Variants in PIEZO2 observed in about 807,000 individuals in gnomAD.
PIEZO2 encodes piezo-type mechanosensitive ion channel component 2.
In PIEZO2, 172 loss-of-function variants were observed where a neutral mutation model predicts 337.3. That is an observed-to-expected ratio of 0.51 (90% confidence interval 0.45 to 0.58). PIEZO2 has a LOEUF of 0.58. PIEZO2 is among the 20% of genes least tolerant of loss of function. The pLI, the probability that PIEZO2 is intolerant of heterozygous loss-of-function variation, is 0.00. For missense variants in PIEZO2, 3,028 were observed against 3,391.3 expected, an observed-to-expected ratio of 0.89 and a Z score of 2.66; for synonymous variants, 1,251 against 1,228.5, an observed-to-expected ratio of 1.02 and a Z score of -0.38.
intron 5 of PIEZO2, among the ~76,000 whole-genome samples, chr18:10,858,321 C>CAAAAAAAAAAAAA (rs11361243): frequency 3.2e-4 from 18 of 56,352 alleles, no homozygotes; most frequent in South Asian, 9.8e-4. Flanking sequence ...GACTTCAACC[C>CAAAAAAAAAAAAA]AAAAAAAAAA....
chr18:10,903,721 T>A lies in PIEZO2; in HGVS notation c.329+7465A>T, dbSNP rs993647034. Among the ~76,000 whole-genome samples, 3 of 152,188 alleles carry A rather than the reference T, an allele frequency of 2.0e-5. No homozygotes were observed. The highest frequency in any genetic ancestry group is 7.2e-5 in the African/African-American group (3 of 41,440). On this transcript the variant is annotated intron_variant, in intron 4 of 55. Coordinates refer to ENST00000674853, the MANE Select transcript of PIEZO2 (RefSeq NM_001378183.1). This position sits in a 1 kb window ranked among gnomAD's most constrained non-coding sequence, Gnocchi z 4.1. ...TTGGCATTGCCTATAAGATACTTCC[T>A]GACATGGTTTCCACTCCATACCCAG...
intron 33 of PIEZO2, chr18:10,739,899 G>GGA (rs1598420018): frequency 6.6e-6 from 1 of 152,246 alleles, no homozygotes; most frequent in East Asian, 1.9e-4. Context: ...TTATGTCTTG[G>GGA]GAGAGAGAGG....
chr18:10,773,584 A>C lies in PIEZO2; in HGVS notation c.2613T>G (p.His871Gln). 6.5e-7 allele frequency: 1 copy of C among 1,537,326 alleles called. No homozygotes were observed. The highest frequency in any genetic ancestry group is 8.7e-7 in the Non-Finnish European group (1 of 1,146,952). Residue 871 changes from histidine to glutamine, a missense_variant, in exon 20 of 56, where the codon CAT (histidine) becomes CAG (glutamine). Physicochemically the swap from His to Gln is conservative, Grantham distance 24. Transcript: ENST00000674853. This position sits in a 1 kb window ranked among gnomAD's most constrained non-coding sequence, Gnocchi z 5.3. ...CCGGCTTCTCCAGGCTGGCAGTCAG[A>C]TGCATCATGGTGAGGTCCGGGAGGC... ...EGSLPDLTMM[H>Q]LTASLEKPEV...
At position 10,813,971 on chromosome 18, in the gene PIEZO2, ATT is replaced by A. The variant is rs762220299; in HGVS notation, c.918-6699_918-6698del. Among the ~76,000 whole-genome samples, 15 of 142,704 alleles carry A rather than the reference ATT, an allele frequency of 1.1e-4. No individual in the cohort carries two copies. The highest frequency in any genetic ancestry group is 2.3e-4 in the African/African-American group (9 of 38,870). 93.6% of individuals were successfully genotyped at this position (142,704 alleles called of 152,430 possible). A position where few individuals can be genotyped will look rare whatever the true frequency, so the allele number is the denominator to read the frequency against. On this transcript the variant is annotated intron_variant, in intron 7 of 55. Coordinates refer to ENST00000674853, the MANE Select transcript of PIEZO2 (RefSeq NM_001378183.1). The surrounding 1 kb of genome is among the most constrained non-coding windows in gnomAD (Gnocchi z 4.2). ...ATAGGTGTGAGATGGGACACCATAT[ATT>A]TTTTTTTTTTTTGAGATGGAGTTTT...
chr18:11,030,607 T>C (rs910753561), intron 2 of PIEZO2, among the ~76,000 whole-genome samples: 1 of 152,130 alleles, frequency 6.6e-6, no homozygotes, highest in African/African-American at 2.4e-5. Context: ...GCCAAAACAA[T>C]GTCAGCTTGG....
chr18:10,744,271 G>T, intron 30 of PIEZO2, 40 bp from the exon 31 acceptor site: 1 of 1,271,824 alleles, frequency 7.9e-7, no homozygotes, highest in Non-Finnish European at 1.1e-6. Context: ...CAATATTCTT[G>T]CCATTGTTGT....
chr18:11,088,154 C>A (rs1163246694), intron 1 of PIEZO2, among the ~76,000 whole-genome samples: 2 of 152,178 alleles, frequency 1.3e-5, no homozygotes, highest in Admixed American at 6.5e-5. Context: ...AATTATAAGC[C>A]CCTGCAGGCA....
chr18:10,731,653 T>G, intron 35 of PIEZO2, 132 bp from the exon 36 acceptor site: 2 of 473,432 alleles, frequency 4.2e-6, no homozygotes, highest in Non-Finnish European at 3.4e-6. Flanking sequence ...CTATTTTTAT[T>G]ATCATGAGAT....
rs1400553237 is a variant in PIEZO2, at chr18:11,148,001, G to T, written c.64+524C>A. ...TAAAAAATAAGTAAGAAACGTCAAGGCACTGTCTCCCTGTACCTCGTCCCT... is the reference window on the plus strand; with the variant it reads ...TAAAAAATAAGTAAGAAACGTCAAGTCACTGTCTCCCTGTACCTCGTCCCT... On this transcript the variant is annotated intron_variant, in intron 1 of 55. Coordinates refer to ENST00000674853, the MANE Select transcript of PIEZO2 (RefSeq NM_001378183.1). This position sits in a 1 kb window ranked among gnomAD's most constrained non-coding sequence, Gnocchi z 5.2. Among the ~76,000 whole-genome samples, 1 of 152,206 alleles carries T rather than the reference G, an allele frequency of 6.6e-6. No individual in the cohort carries two copies. Among genetic ancestry groups the T allele is most frequent in the Non-Finnish European group, 1.5e-5 (1 of 68,032 alleles).
At chr18:10,763,817 C>T (rs182426943) in intron 21 of PIEZO2, among the ~76,000 whole-genome samples, 25 of 152,222 alleles carry the variant, frequency 1.6e-4, no homozygotes, top group East Asian at 5.8e-4. Flanking sequence ...TCACGTGCCG[C>T]GGCAATAGCC....
intron 1 of PIEZO2, among the ~76,000 whole-genome samples, chr18:11,072,077 C>A (rs115117759): frequency 1.3e-3 from 201 of 152,290 alleles, no homozygotes; most frequent in African/African-American, 4.8e-3. Context: ...CCTCCTCCAA[C>A]AGAGATTTCT....
chr18:10,733,502 A>T lies in PIEZO2; in HGVS notation c.4914+1730T>A, dbSNP rs528172695. On this transcript the variant is annotated intron_variant, in intron 35 of 55. Coordinates refer to ENST00000674853, the MANE Select transcript of PIEZO2 (RefSeq NM_001378183.1). ...TCTTGCTCTGTCATGCAGGCTGGAG[A>T]GCAGTGGCGCCATCTCCGCTCACTG... 3.0e-3 allele frequency among the ~76,000 whole-genome samples: 422 copies of T among 139,168 alleles called. 1 individual carries two copies. Among genetic ancestry groups the T allele is most frequent in the Non-Finnish European group, 5.1e-3 (339 of 66,424 alleles). The allele number at this position is 139,168 out of a possible 152,430, so 91.3% of individuals were successfully genotyped here.
chr18:10,726,539 GCTACACC>G lies in PIEZO2; in HGVS notation c.5029+4861_5029+4867del. 1.4e-6 allele frequency: 2 copies of G among 1,436,794 alleles called. No homozygotes were observed. Among genetic ancestry groups the G allele is most frequent in the Non-Finnish European group, 1.8e-6 (2 of 1,086,046 alleles). The allele number at this position is 1,436,794 out of a possible 1,614,324, so 89.0% of individuals were successfully genotyped here. On this transcript the variant is annotated intron_variant, in intron 36 of 55. Coordinates refer to ENST00000674853, the MANE Select transcript of PIEZO2 (RefSeq NM_001378183.1). This position sits in a 1 kb window ranked among gnomAD's most constrained non-coding sequence, Gnocchi z 5.9. The stretch of plus-strand genomic sequence containing the variant: ...GTGGCGCGCTGCGCTGCTCTGCTCT[GCTACACC>G]AGCCGCCACGCTGTGCGTCTGTCCT...
rs1311017617 is a variant in PIEZO2, at chr18:10,707,151, A to C, written c.5588+1124T>G. Reference sequence around the variant, plus strand: ...ACAGATTTTTGCTAAGACTTACCTCAATTAGATATACTTCCTAGGAGGGCC... The same window carrying C: ...ACAGATTTTTGCTAAGACTTACCTCCATTAGATATACTTCCTAGGAGGGCC... On this transcript the variant is annotated intron_variant, in intron 40 of 55. Transcript: ENST00000674853. This position sits in a 1 kb window ranked among gnomAD's most constrained non-coding sequence, Gnocchi z 4.2. Among the ~76,000 whole-genome samples, 1 of 152,106 alleles carries C rather than the reference A, an allele frequency of 6.6e-6. No homozygotes were observed. Among genetic ancestry groups the C allele is most frequent in the Admixed American group, 6.5e-5 (1 of 15,278 alleles).
rs2040873828 is a variant in PIEZO2, at chr18:11,148,708, C to T, written c.-120G>A. On this transcript the variant is annotated 5_prime_UTR_variant, in exon 1 of 56. The change abolishes an upstream ATG in the 5' untranslated region. Transcript: ENST00000674853. The surrounding 1 kb of genome is among the most constrained non-coding windows in gnomAD (Gnocchi z 5.2). Reference sequence around the variant, plus strand: ...CGCCGGCAGCTCGCAGCCACCCGAGCATCGCCTCGGCGCGGGCCGCGACGC... The same window carrying T: ...CGCCGGCAGCTCGCAGCCACCCGAGTATCGCCTCGGCGCGGGCCGCGACGC... The T allele has an allele frequency of 4.5e-6, 5 of 1,108,248 alleles. No homozygotes were observed. Among genetic ancestry groups the T allele is most frequent in the Non-Finnish European group, 3.9e-6 (3 of 775,338 alleles). 68.7% of individuals were successfully genotyped at this position (1,108,248 alleles called of 1,614,324 possible). A position where few individuals can be genotyped will look rare whatever the true frequency, so the allele number is the denominator to read the frequency against.
intron 2 of PIEZO2, among the ~76,000 whole-genome samples, chr18:11,064,285 T>C (rs1000395074): frequency 3.3e-5 from 5 of 152,186 alleles, no homozygotes; most frequent in African/African-American, 1.2e-4. Flanking sequence ...TGAATATTAG[T>C]CATGGTTCTT....
At chr18:10,715,445 G>A (rs548471259) in intron 38 of PIEZO2, among the ~76,000 whole-genome samples, 2 of 152,342 alleles carry the variant, frequency 1.3e-5, no homozygotes, top group South Asian at 2.1e-4. Flanking sequence ...TGTGACGTGT[G>A]TGTGTGTAGG....
At chr18:10,729,501 A>G (rs1237167837) in intron 36 of PIEZO2, among the ~76,000 whole-genome samples, 4 of 151,814 alleles carry the variant, frequency 2.6e-5, no homozygotes, top group Admixed American at 6.6e-5. Context: ...GTGTGCGCCT[A>G]TAGTCTCAGC....
At chr18:10,910,133 T>A (rs868535368) in intron 4 of PIEZO2, among the ~76,000 whole-genome samples, 1 of 152,232 alleles carries the variant, frequency 6.6e-6, no homozygotes, top group African/African-American at 2.4e-5. Context: ...TAAAAAGAAC[T>A]AGTCAAAACC....
Sources: allele counts gnomAD v4.1 joint callset (sites outside exome capture counted in the v4.1 genomes callset), GRCh38; gene constraint gnomAD v4.1.1; non-coding constraint Gnocchi (gnomAD v3.1); transcripts MANE v1.5; gene names NCBI Gene and HGNC (gene_info 2026-07-23, HGNC 2026-07-21).